Variants in CAMTA1 observed in about 807,000 individuals in gnomAD.
CAMTA1 encodes calmodulin-binding transcription activator 1.
Under a neutral mutation model 170.9 loss-of-function variants are expected in CAMTA1, and 27 were observed. The observed-to-expected ratio is 0.16, with a 90% CI of 0.12 to 0.22. The LOEUF (loss-of-function observed/expected upper bound fraction) is 0.22, where lower values mean the gene tolerates loss of function less well. Ranked by LOEUF, CAMTA1 falls within the 10% of genes least tolerant of loss-of-function variation. CAMTA1 has a pLI of 1.00. For missense variants in CAMTA1, 1,619 were observed against 2,217.2 expected (o/e 0.73, Z 5.42); for synonymous variants, 833 against 891.5 (o/e 0.93, Z 1.17).
chr1:7,442,038 T>TC lies in CAMTA1; in HGVS notation c.439-25788dup, dbSNP rs909693029. Among the ~76,000 whole-genome samples the TC allele has an allele frequency of 1.0e-3, 156 of 152,160 alleles. 1 individual carries two copies. Among genetic ancestry groups the TC allele is most frequent in the African/African-American group, 3.7e-3 (153 of 41,496 alleles). ...TCTGGCTTCTGGGGGCCCCAGGACT[T>TC]CCCCAGCGCTGTCCTCAGCCCTGAA... On this transcript the variant is annotated intron_variant, in intron 5 of 22. Transcript: ENST00000303635.
chr1:7,655,128 C>T (rs1446631514), intron 7 of CAMTA1, among the ~76,000 whole-genome samples: 1 of 88,066 alleles, frequency 1.1e-5, no homozygotes, highest in Non-Finnish European at 2.2e-5. Flanking sequence ...ACACACACCT[C>T]TATACACACA....
intron 6 of CAMTA1, among the ~76,000 whole-genome samples, chr1:7,573,230 C>T (rs2095146180): frequency 6.6e-6 from 1 of 152,146 alleles, no homozygotes; most frequent in South Asian, 2.1e-4. Context: ...GCCCTGCTCC[C>T]CAGAACCCCT....
intron 3 of CAMTA1, among the ~76,000 whole-genome samples, chr1:6,894,614 A>G (rs1418063155): frequency 6.6e-6 from 1 of 152,228 alleles, no homozygotes; most frequent in Non-Finnish European, 1.5e-5. Context: ...TAAATGTAAA[A>G]TAGTTTTTTA....
chr1:7,766,474 A>G lies in CAMTA1; in HGVS notation c.5005A>G (p.Lys1669Glu), dbSNP rs2097025734. 2 of 1,614,044 alleles carry G rather than the reference A, an allele frequency of 1.2e-6. No individual in the cohort carries two copies. The highest frequency in any genetic ancestry group is 3.3e-5 in the Admixed American group (2 of 60,006). ...TCTCTTCCAGAGTGAAAGAATTGAA[A>G]AAGGCCAAGGAACTTGAAGACATAC... ...RLYKRSERIEKGQGT is the reference protein window; with the variant it reads ...RLYKRSERIEEGQGT The change falls in exon 23 of 23, where the codon AAA becomes GAA. Residue 1669 changes from lysine (K) to glutamate (E), a missense_variant. Around this residue, in one of 8 missense-constraint regions of CAMTA1, gnomAD observed 128 missense variants for 213.5 expected, o/e 0.60. Transcript: ENST00000303635.
intron 7 of CAMTA1, among the ~76,000 whole-genome samples, chr1:7,660,626 C>T (rs981613266): frequency 6.6e-6 from 1 of 152,236 alleles, no homozygotes; most frequent in Non-Finnish European, 1.5e-5. Flanking sequence ...CCTTGTCCCC[C>T]TACCTTCTAG....
At chr1:7,331,143 G>A (rs1235527184) in intron 5 of CAMTA1, among the ~76,000 whole-genome samples, 1 of 152,210 alleles carries the variant, frequency 6.6e-6, no homozygotes, top group East Asian at 1.9e-4. Context: ...GGAGGCTGAG[G>A]TAGGAGAATT....
intron 11 of CAMTA1, among the ~76,000 whole-genome samples, chr1:7,704,187 G>T (rs1363800005): frequency 3.4e-5 from 5 of 148,750 alleles, no homozygotes; most frequent in African/African-American, 1.2e-4. Context: ...CGCCGGGGCC[G>T]CGCAGGGAGC....
chr1:7,264,674 A>G (rs1360127142), intron 5 of CAMTA1, among the ~76,000 whole-genome samples: 1 of 152,238 alleles, frequency 6.6e-6, no homozygotes, highest in Admixed American at 6.5e-5. Flanking sequence ...AAAATGCGGC[A>G]GCGTTAGTTA....
Position 7,738,517 on chromosome 1 carries a change from T to C in CAMTA1, c.4182+35T>C, listed in dbSNP as rs1357394241. On this transcript the variant is annotated intron_variant, in intron 16 of 22. Coordinates refer to ENST00000303635, the MANE Select transcript of CAMTA1 (RefSeq NM_015215.4). The surrounding 1 kb of genome is among the most constrained non-coding windows in gnomAD (Gnocchi z 4.9). ...AGGGACAGGGTAAGCCCGCAGAGGCTGGTGCGTTCCAGTTGCTGTGATCTT... is the reference window on the plus strand; with the variant it reads ...AGGGACAGGGTAAGCCCGCAGAGGCCGGTGCGTTCCAGTTGCTGTGATCTT... The C allele has an allele frequency of 6.3e-6, 10 of 1,591,892 alleles. No individual in the cohort carries two copies. Among genetic ancestry groups the C allele is most frequent in the Non-Finnish European group, 1.7e-6 (2 of 1,166,952 alleles).
intron 3 of CAMTA1, among the ~76,000 whole-genome samples, chr1:6,884,289 G>GACAC (rs1320065318): frequency 1.2e-4 from 10 of 84,178 alleles, no homozygotes; most frequent in Non-Finnish European, 2.0e-4. Context: ...TTATTCTCTA[G>GACAC]AGACACACAC....
chr1:7,523,402 A>G (rs564294959), intron 6 of CAMTA1, among the ~76,000 whole-genome samples: 2 of 152,348 alleles, frequency 1.3e-5, no homozygotes, highest in South Asian at 4.1e-4. Flanking sequence ...CAGTTTTGAT[A>G]GGAATTGTAT....
chr1:7,487,507 C>T (rs1051221737), intron 6 of CAMTA1, among the ~76,000 whole-genome samples: 5 of 152,222 alleles, frequency 3.3e-5, no homozygotes, highest in African/African-American at 9.6e-5. Flanking sequence ...TGTTTGGGCA[C>T]CTCTTGAGAT....
chr1:7,193,382 G>T (rs1654916537), intron 4 of CAMTA1, among the ~76,000 whole-genome samples: 1 of 151,672 alleles, frequency 6.6e-6, no homozygotes, highest in Non-Finnish European at 1.5e-5. Context: ...TTGCTCTGTA[G>T]TGTCAGTTTC....
intron 4 of CAMTA1, among the ~76,000 whole-genome samples, chr1:7,244,756 C>T (rs1006800138): frequency 3.6e-5 from 5 of 140,264 alleles, no homozygotes; most frequent in East Asian, 2.5e-4. Flanking sequence ...TTGGGGGAGG[C>T]GGGGAGGGAT....
intron 5 of CAMTA1, among the ~76,000 whole-genome samples, chr1:7,261,767 A>T (rs1276944838): frequency 6.6e-6 from 1 of 152,234 alleles, no homozygotes; most frequent in African/African-American, 2.4e-5. Flanking sequence ...ACATTCAATG[A>T]TGAATAACAA....
At chr1:7,103,858 C>CAT (rs376099704) in intron 4 of CAMTA1, among the ~76,000 whole-genome samples, 126,297 of 148,910 alleles carry the variant, frequency 0.85, 53,884 homozygotes, top group Middle Eastern at 0.91. Flanking sequence ...ACACAACACA[C>CAT]ATACACACAC....
chr1:7,736,933 C>T lies in CAMTA1; in HGVS notation c.3266C>T (p.Thr1089Ile). 3.1e-6 allele frequency: 5 copies of T among 1,611,792 alleles called. No individual in the cohort carries two copies. The highest frequency in any genetic ancestry group is 4.2e-6 in the Non-Finnish European group (5 of 1,178,680). Residue 1089 changes from threonine (T) to isoleucine (I), a missense_variant and splice_region_variant, in exon 14 of 23, where the codon ACA becomes ATA. By Grantham distance (89) the Thr-to-Ile change is moderately conservative. Transcript: ENST00000303635. This position sits in a 1 kb window ranked among gnomAD's most constrained non-coding sequence, Gnocchi z 4.5. ...ATTTCTGGTGCTCTCCCTTATAGTACAAAGCACGCGGATAGCATTGACCTG... is the reference window on the plus strand; with the variant it reads ...ATTTCTGGTGCTCTCCCTTATAGTATAAAGCACGCGGATAGCATTGACCTG... ...TLIQTLIKWR[T>I]KHADSIDLEL...
chr1:7,744,758 G>A (rs2096845082), intron 16 of CAMTA1, 77 bp from the exon 17 acceptor site: 2 of 1,278,192 alleles, frequency 1.6e-6, no homozygotes, highest in Middle Eastern at 1.9e-4. Context: ...TCTCTCCAAG[G>A]CGAGGCAGGG....
At chr1:7,758,950 AAAAAAG>A (rs577048497) in intron 22 of CAMTA1, among the ~76,000 whole-genome samples, 2,279 of 151,572 alleles carry the variant, frequency 0.015, 33 homozygotes, top group Non-Finnish European at 0.026. Flanking sequence ...AAAAAAAAAA[AAAAAAG>A]ATAATATACT....
Sources: allele counts gnomAD v4.1 joint callset (sites outside exome capture counted in the v4.1 genomes callset), GRCh38; gene constraint gnomAD v4.1.1; regional missense constraint gnomAD v4.1.1; non-coding constraint Gnocchi (gnomAD v3.1); transcripts MANE v1.5; gene names NCBI Gene and HGNC (gene_info 2026-07-23, HGNC 2026-07-21).